Variants in TAGLN3 observed in about 807,000 individuals in gnomAD.
TAGLN3 encodes transgelin-3.
Under a neutral mutation model 25.4 loss-of-function variants are expected in TAGLN3, and 12 were observed. The ratio of observed to expected loss-of-function variants is 0.47; its 90% CI spans 0.30 to 0.77. The LOEUF is 0.77. TAGLN3 is among the 30% of genes least tolerant of loss of function. The probability of loss-of-function intolerance (pLI) is 0.06; values close to 1 mark genes in which losing one functional copy is unlikely to be tolerated. For synonymous variants in TAGLN3, 96 were observed against 94.8 expected (o/e 1.01, Z -0.08); for missense variants, 218 against 255.8 (o/e 0.85, Z 1.01).
chr3:112,010,065 G>A (rs921729141), intron 3 of TAGLN3, among the ~76,000 whole-genome samples: 3 of 151,888 alleles, frequency 2.0e-5, no homozygotes, highest in Non-Finnish European at 4.4e-5. Context: ...AACCCAGAAA[G>A]GACAAAGGGA....
At chr3:112,013,056 A>C in intron 4 of TAGLN3, among the ~76,000 whole-genome samples, 1 of 152,168 alleles carries the variant, frequency 6.6e-6, no homozygotes. Context: ...AAAGAGAAAC[A>C]AGAAAAGCTG....
intron 3 of TAGLN3, among the ~76,000 whole-genome samples, chr3:112,011,073 G>A (rs1391238646): frequency 6.6e-6 from 1 of 152,178 alleles, no homozygotes; most frequent in Non-Finnish European, 1.5e-5. Flanking sequence ...TGCCTTGCAT[G>A]GACTTTTGGT....
Position 112,012,124 on chromosome 3 carries a change from C to G in TAGLN3, c.458+259C>G, listed in dbSNP as rs986915214. On this transcript the variant is annotated intron_variant, in intron 4 of 4. Coordinates refer to ENST00000478951, the MANE Select transcript of TAGLN3 (RefSeq NM_001008272.2). ...AGGTTCTGTTTCTCCTGAGGCTCAG[C>G]AGGACTGGATGGCCTTTCTTGAAGG... Among the ~76,000 whole-genome samples the G allele has an allele frequency of 9.2e-5, 14 of 152,292 alleles. No homozygotes were observed. The East Asian group carries it at 2.1e-3, about 23-fold the overall frequency.
At position 112,001,778 on chromosome 3, in the gene TAGLN3, C is replaced by A. The variant is rs573814325; in HGVS notation, c.355+832C>A. Among the ~76,000 whole-genome samples, 14 of 152,314 alleles carry A rather than the reference C, an allele frequency of 9.2e-5. No individual in the cohort carries two copies. The South Asian group carries it at 2.1e-3, about 23-fold the overall frequency. ...TCACTGGCTGTCATTAGTGGCCCAA[C>A]CAACAGGATCCCCAGGGCAGTGACC... On this transcript the variant is annotated intron_variant, in intron 3 of 4. Transcript: ENST00000478951.
chr3:112,012,567 A>T (rs1042947379), intron 4 of TAGLN3, among the ~76,000 whole-genome samples: 3 of 151,804 alleles, frequency 2.0e-5, no homozygotes, highest in African/African-American at 7.3e-5. Context: ...CCTGTGGCAA[A>T]TAATTGATTA....
intron 2 of TAGLN3, 54 bp downstream of exon 2, chr3:111,999,656 G>C: frequency 6.3e-7 from 1 of 1,587,234 alleles, no homozygotes; most frequent in Non-Finnish European, 8.6e-7. Context: ...AAACCCTCCA[G>C]GGCCCTTTCT....
chr3:112,005,725 AGTCTCACTC>A (rs1192991055), intron 3 of TAGLN3, among the ~76,000 whole-genome samples: 1 of 114,630 alleles, frequency 8.7e-6, no homozygotes, highest in African/African-American at 3.4e-5. Flanking sequence ...TTTGAGATGG[AGTCTCACTC>A]TGTCGCCCAG....
At chr3:112,006,038 C>T (rs1725756) in intron 3 of TAGLN3, among the ~76,000 whole-genome samples, 11 of 152,094 alleles carry the variant, frequency 7.2e-5, no homozygotes, top group African/African-American at 4.8e-5. Flanking sequence ...AGATTACAGG[C>T]GTGAGCCACC....
chr3:112,006,050 C>T (rs13322679), intron 3 of TAGLN3, among the ~76,000 whole-genome samples: 4,024 of 152,126 alleles, frequency 0.026, 179 homozygotes, highest in African/African-American at 0.09. Context: ...TGAGCCACCG[C>T]GCCTGGCCTG....
chr3:112,002,888 C>T (rs1301974956), intron 3 of TAGLN3, among the ~76,000 whole-genome samples: 2 of 151,348 alleles, frequency 1.3e-5, no homozygotes, highest in African/African-American at 2.4e-5. Flanking sequence ...TATACACCAC[C>T]TGCCCCAGAC....
chr3:111,999,410 CTT>C lies in TAGLN3; in HGVS notation c.-2-10_-2-9del. On this transcript the variant is annotated splice_polypyrimidine_tract_variant and intron_variant, in intron 1 of 4. Transcript: ENST00000478951. ...TGTGTGGATGCCGCGCGTGTCTTCT[CTT>C]CTTTCCAGAGATGGCTAACAGGGGC... 6.2e-7 allele frequency: 1 copy of C among 1,612,816 alleles called. No individual in the cohort carries two copies. Among genetic ancestry groups the C allele is most frequent in the Non-Finnish European group, 8.5e-7 (1 of 1,179,024 alleles).
intron 3 of TAGLN3, among the ~76,000 whole-genome samples, chr3:112,002,487 C>G (rs907597289): frequency 1.3e-5 from 2 of 152,176 alleles, no homozygotes; most frequent in African/African-American, 4.8e-5. Flanking sequence ...TAGTTTCCTT[C>G]ACCTACACCG....
chr3:112,009,900 T>C (rs1255312453), intron 3 of TAGLN3, among the ~76,000 whole-genome samples: 1 of 152,046 alleles, frequency 6.6e-6, no homozygotes, highest in Non-Finnish European at 1.5e-5. Flanking sequence ...GGATATCTTA[T>C]CTTAGCCGGC....
rs76656109 is a variant in TAGLN3 at position 112,000,643 on chromosome 3, C to T, written c.181-129C>T. Reference sequence around the variant, plus strand: ...CTACACAGCCCAGAGCCCGTGCCTTCCTAGGGCCCATGACTTGCTCCTGCC... The same window carrying T: ...CTACACAGCCCAGAGCCCGTGCCTTTCTAGGGCCCATGACTTGCTCCTGCC... On this transcript the variant is annotated intron_variant, in intron 2 of 4. Transcript: ENST00000478951. 2,375 of 1,013,368 alleles carry T rather than the reference C, an allele frequency of 2.3e-3. 34 individuals carry two copies. In the African/African-American group the frequency reaches 0.032, roughly 14 times the overall value. The allele number at this position is 1,013,368 out of a possible 1,614,324, so 62.8% of individuals were successfully genotyped here.
Position 112,011,829 on chromosome 3 carries a change from A to C in TAGLN3, c.422A>C (p.Asp141Ala). 6.2e-7 allele frequency: 1 copy of C among 1,613,946 alleles called. No individual in the cohort carries two copies. Among genetic ancestry groups the C allele is most frequent in the Middle Eastern group, 1.7e-4 (1 of 6,046 alleles). Residue 141 changes from aspartate to alanine, a missense_variant, in exon 4 of 5, where the codon GAT becomes GCT. Asp to Ala is a moderately radical substitution (Grantham distance 126). Coordinates refer to ENST00000478951, the MANE Select transcript of TAGLN3 (RefSeq NM_001008272.2). ...ALGSVAVTKDDGCYRGEPSWF... is the reference protein window; with the variant it reads ...ALGSVAVTKDAGCYRGEPSWF... ...GGCAGCGTTGCAGTCACCAAGGATGATGGCTGCTATCGGGGAGAGCCATCC... is the reference window on the plus strand; with the variant it reads ...GGCAGCGTTGCAGTCACCAAGGATGCTGGCTGCTATCGGGGAGAGCCATCC...
chr3:112,008,393 C>A (rs1576080208), intron 3 of TAGLN3, among the ~76,000 whole-genome samples: 1 of 152,204 alleles, frequency 6.6e-6, no homozygotes, highest in East Asian at 1.9e-4. Context: ...TAGGTCACTG[C>A]AGCCTGAAAC....
At chr3:112,005,131 A>C (rs814035) in intron 3 of TAGLN3, among the ~76,000 whole-genome samples, 119,025 of 151,964 alleles carry the variant, frequency 0.78, 48,649 homozygotes, top group Non-Finnish European at 0.91. Flanking sequence ...TAACTGTGTG[A>C]CCTTGTTTAA....
At chr3:112,002,741 T>C (rs543588816) in intron 3 of TAGLN3, among the ~76,000 whole-genome samples, 94 of 152,090 alleles carry the variant, frequency 6.2e-4, no homozygotes, top group African/African-American at 2.2e-3. Flanking sequence ...CCTGTCTTCA[T>C]GCTACTGAGG....
intron 4 of TAGLN3, 100 bp from the exon 5 acceptor site, chr3:112,013,310 C>A (rs1183951398): frequency 5.5e-6 from 8 of 1,453,590 alleles, no homozygotes; most frequent in Non-Finnish European, 4.6e-6. Context: ...ACCTGCTGAT[C>A]TATTTGGGGA....
Sources: gnomAD v4.1 joint callset for allele counts (sites outside exome capture counted in the v4.1 genomes callset) on GRCh38, gnomAD v4.1.1 for gene constraint, MANE v1.5 for transcripts, NCBI Gene and HGNC (gene_info 2026-07-23, HGNC 2026-07-21) for gene names.